ANKS1B: variants seen among roughly 807,000 people sequenced by gnomAD.
ANKS1B encodes ankyrin repeat and sterile alpha motif domain-containing protein 1B.
ANKS1B carries 36 observed loss-of-function variants against 148.3 expected under a neutral mutation model. The observed-to-expected ratio is 0.24, with a 90% CI of 0.19 to 0.32. The LOEUF (loss-of-function observed/expected upper bound fraction) is 0.32, where lower values mean the gene tolerates loss of function less well. Ranked by LOEUF, ANKS1B falls within the 10% of genes least tolerant of loss-of-function variation. The pLI, the probability that ANKS1B is intolerant of heterozygous loss-of-function variation, is 1.00. For missense variants in ANKS1B, 1,157 were observed against 1,542.6 expected, an observed-to-expected ratio of 0.75 and a Z score of 4.19; for synonymous variants, 542 against 560.8, an observed-to-expected ratio of 0.97 and a Z score of 0.47.
At chr12:99,268,967 A>C (rs575470706) in intron 12 of ANKS1B, among the ~76,000 whole-genome samples, 7 of 152,366 alleles carry the variant, frequency 4.6e-5, no homozygotes, top group African/African-American at 1.4e-4. Flanking sequence ...TTATTAATTC[A>C]TTGTGCATAA....
chr12:98,780,231 GA>G (rs1411640194), intron 24 of ANKS1B, among the ~76,000 whole-genome samples: 2 of 152,194 alleles, frequency 1.3e-5, no homozygotes, highest in African/African-American at 4.8e-5. Flanking sequence ...GAGGTCCAGA[GA>G]AAGACCAGCA....
At chr12:99,620,241 A>C (rs1406375441) in intron 9 of ANKS1B, among the ~76,000 whole-genome samples, 1 of 152,162 alleles carries the variant, frequency 6.6e-6, no homozygotes, top group Non-Finnish European at 1.5e-5. Flanking sequence ...AAAAGAAGAG[A>C]AAATCCTAGA....
chr12:99,632,727 C>CTAGATATATATATATATATA (rs1419756181), intron 9 of ANKS1B, among the ~76,000 whole-genome samples: 36 of 39,034 alleles, frequency 9.2e-4, no homozygotes, highest in East Asian at 4.1e-3. Context: ...CCTTTTCTTT[C>CTAGATATATATATATATATA]TATATATATA....
intron 9 of ANKS1B, among the ~76,000 whole-genome samples, chr12:99,549,692 C>T (rs1405313980): frequency 5.3e-5 from 8 of 152,118 alleles, no homozygotes; most frequent in Non-Finnish European, 1.2e-4. Context: ...ACTAATTTGC[C>T]TAAGGAACAT....
At position 99,246,319 on chromosome 12, in the gene ANKS1B, C is replaced by CT; in HGVS notation, c.2301dup (p.Gly768ArgfsTer4). 6.2e-7 allele frequency: 1 copy of CT among 1,608,712 alleles called. No homozygotes were observed. The highest frequency in any genetic ancestry group is 8.5e-7 in the Non-Finnish European group (1 of 1,177,740). The stretch of plus-strand genomic sequence containing the variant: ...AAGGATGGTGTTCTTTCAGAATTCC[C>CT]TTTAGAACTGTGTTCAGCAGTGGAA... On this transcript the variant is annotated frameshift_variant, in exon 13 of 27. Coordinates refer to ENST00000683438, the MANE Select transcript of ANKS1B (RefSeq NM_001352186.2). LOFTEE classifies it high-confidence loss of function.
chr12:99,220,165 AAT>A (rs1412257129), intron 14 of ANKS1B, among the ~76,000 whole-genome samples: 1 of 151,978 alleles, frequency 6.6e-6, no homozygotes, highest in East Asian at 1.9e-4. Flanking sequence ...ACACCCAGCT[AAT>A]TTTTGTATTT....
At chr12:99,900,791 C>G (rs1430695731) in intron 1 of ANKS1B, among the ~76,000 whole-genome samples, 1 of 152,134 alleles carries the variant, frequency 6.6e-6, no homozygotes, top group African/African-American at 2.4e-5. Flanking sequence ...ACTTGCTACT[C>G]TACTTGATCT....
intron 16 of ANKS1B, among the ~76,000 whole-genome samples, chr12:99,078,494 C>T (rs1334545192): frequency 6.6e-6 from 1 of 152,084 alleles, no homozygotes; most frequent in Non-Finnish European, 1.5e-5. Context: ...TTATATCATG[C>T]TACATTATAC....
intron 9 of ANKS1B, among the ~76,000 whole-genome samples, chr12:99,566,647 A>G (rs2097397470): frequency 6.6e-6 from 1 of 152,152 alleles, no homozygotes; most frequent in Non-Finnish European, 1.5e-5. Context: ...TAACGGCTTT[A>G]TAAGAAGAGG....
At chr12:99,892,414 A>G (rs2093162216) in intron 1 of ANKS1B, among the ~76,000 whole-genome samples, 2 of 152,218 alleles carry the variant, frequency 1.3e-5, no homozygotes, top group Admixed American at 1.3e-4. Flanking sequence ...TTAAGGCATA[A>G]GCAACAAGAA....
intron 14 of ANKS1B, among the ~76,000 whole-genome samples, chr12:99,206,274 C>A (rs540788714): frequency 1.1e-4 from 16 of 152,318 alleles, no homozygotes; most frequent in African/African-American, 2.9e-4. Context: ...TTCAGCCACA[C>A]TTGCCTTTTA....
intron 11 of ANKS1B, among the ~76,000 whole-genome samples, chr12:99,402,325 TTTTTA>T (rs1311865353): frequency 6.9e-6 from 1 of 145,980 alleles, no homozygotes; most frequent in African/African-American, 2.6e-5. Context: ...CTTTTTTATA[TTTTTA>T]TTTTAAGTTC....
At chr12:98,795,576 G>A (rs1337159120) in intron 22 of ANKS1B, 1 of 436,598 alleles carries the variant, frequency 2.3e-6, no homozygotes, top group Non-Finnish European at 4.5e-6. Flanking sequence ...GTTATTATGT[G>A]GTTTTCTTTT....
In ANKS1B at chr12:99,719,645, A is replaced by G. The variant is rs142363403; in HGVS notation, c.1128+53277T>C. Among the ~76,000 whole-genome samples the G allele has an allele frequency of 2.6e-4, 39 of 152,282 alleles. No individual in the cohort carries two copies. In the East Asian group the frequency reaches 7.1e-3, roughly 28 times the overall value. ...CACTCTTGCAAAAGCACTAAAAGTC[A>G]ATATTTATACTGACTCTAAATATGC... On this transcript the variant is annotated intron_variant, in intron 8 of 26. Transcript: ENST00000683438.
intron 9 of ANKS1B, among the ~76,000 whole-genome samples, chr12:99,638,684 CA>C (rs1352661682): frequency 2.0e-5 from 3 of 152,168 alleles, no homozygotes; most frequent in Non-Finnish European, 4.4e-5. Flanking sequence ...ACATAAGTCA[CA>C]AGGAACCAAA....
intron 1 of ANKS1B, among the ~76,000 whole-genome samples, chr12:99,913,434 T>C (rs561656521): frequency 6.6e-6 from 1 of 152,300 alleles, no homozygotes; most frequent in African/African-American, 2.4e-5. Flanking sequence ...CATTTGCACC[T>C]CATGTAAGGA....
At chr12:99,914,687 A>C (rs1300140873) in intron 1 of ANKS1B, among the ~76,000 whole-genome samples, 1 of 152,108 alleles carries the variant, frequency 6.6e-6, no homozygotes, top group Admixed American at 6.6e-5. Context: ...TGATAGGGAA[A>C]GGGGGAGGGT....
chr12:99,478,813 A>C (rs2096366271), intron 10 of ANKS1B, among the ~76,000 whole-genome samples: 1 of 152,252 alleles, frequency 6.6e-6, no homozygotes, highest in African/African-American at 2.4e-5. Flanking sequence ...AATTTTGATC[A>C]ATCATGCTAG....
intron 22 of ANKS1B, among the ~76,000 whole-genome samples, chr12:98,784,289 C>T (rs1352029099): frequency 6.6e-6 from 1 of 152,094 alleles, no homozygotes; most frequent in African/African-American, 2.4e-5. Flanking sequence ...GAAGGACACA[C>T]TTCAGGGGAA....
Sources: gnomAD v4.1 joint callset for allele counts (sites outside exome capture counted in the v4.1 genomes callset) on GRCh38, gnomAD v4.1.1 for gene constraint, MANE v1.5 for transcripts, NCBI Gene and HGNC (gene_info 2026-07-23, HGNC 2026-07-21) for gene names.